Variants in DLGAP1 observed in about 807,000 individuals in gnomAD.
DLGAP1 encodes DLG associated protein 1.
Under a neutral mutation model 90.8 loss-of-function variants are expected in DLGAP1, and 11 were observed. The observed-to-expected ratio is 0.12, with a 90% CI of 0.08 to 0.20. The LOEUF is 0.20. Ranked by LOEUF, DLGAP1 falls within the 10% of genes least tolerant of loss-of-function variation. The pLI, the probability that DLGAP1 is intolerant of heterozygous loss-of-function variation, is 1.00. For missense variants in DLGAP1, 1,050 were observed against 1,333.8 expected (o/e 0.79, Z 3.31); for synonymous variants, 558 against 540.7 (o/e 1.03, Z -0.44).
At chr18:3,657,819 T>C (rs964509271) in intron 7 of DLGAP1, among the ~76,000 whole-genome samples, 1 of 151,876 alleles carries the variant, frequency 6.6e-6, no homozygotes, top group Non-Finnish European at 1.5e-5. Context: ...TTAGCCAGGA[T>C]GGTCTCGATC....
intron 2 of DLGAP1, among the ~76,000 whole-genome samples, chr18:4,029,909 G>A (rs570120036): frequency 1.1e-4 from 16 of 152,156 alleles, no homozygotes; most frequent in Non-Finnish European, 1.3e-4. Context: ...TCTTTGATTT[G>A]TTCTTTTCTC....
At chr18:4,374,766 G>A (rs908622523) in intron 1 of DLGAP1, among the ~76,000 whole-genome samples, 6 of 152,028 alleles carry the variant, frequency 3.9e-5, no homozygotes, top group African/African-American at 1.4e-4. Flanking sequence ...ACAGTCACGT[G>A]GTGTGACAAA....
At chr18:3,719,045 G>C (rs1223662543) in intron 7 of DLGAP1, among the ~76,000 whole-genome samples, 1 of 151,484 alleles carries the variant, frequency 6.6e-6, no homozygotes, top group Non-Finnish European at 1.5e-5. Context: ...AATTATATTT[G>C]ACATTTGAAG....
At chr18:3,990,419 G>A in intron 3 of DLGAP1, among the ~76,000 whole-genome samples, 1 of 148,508 alleles carries the variant, frequency 6.7e-6, no homozygotes, top group African/African-American at 2.5e-5. Flanking sequence ...TCACTCATAG[G>A]TGGGAATCGA....
At position 4,424,158 on chromosome 18, in the gene DLGAP1, A is replaced by T. The variant is rs530007016; in HGVS notation, c.-267+30848T>A. 5.2e-4 allele frequency among the ~76,000 whole-genome samples: 79 copies of T among 152,088 alleles called. 2 individuals are homozygous for T. In the South Asian group the frequency reaches 5.2e-3, roughly 10 times the overall value. On this transcript the variant is annotated intron_variant, in intron 1 of 12. Transcript: ENST00000315677. Reference sequence around the variant, plus strand: ...AGAGCGAGACTCCATCTTAAAAAAAAATTTTTTTAACAATTCCTGGGGAAG... The same window carrying T: ...AGAGCGAGACTCCATCTTAAAAAAATATTTTTTTAACAATTCCTGGGGAAG...
chr18:3,952,922 CT>C (rs2073017647), intron 3 of DLGAP1, among the ~76,000 whole-genome samples: 1 of 152,162 alleles, frequency 6.6e-6, no homozygotes, highest in Non-Finnish European at 1.5e-5. Context: ...CATTTTTCCT[CT>C]TAACTACTGA....
At chr18:4,130,519 AC>A in intron 2 of DLGAP1, among the ~76,000 whole-genome samples, 1 of 152,306 alleles carries the variant, frequency 6.6e-6, no homozygotes, top group African/African-American at 2.4e-5. Flanking sequence ...TTATTGAATC[AC>A]TTGTCATTTA....
intron 1 of DLGAP1, among the ~76,000 whole-genome samples, chr18:4,315,867 CA>C (rs2080512485): frequency 1.3e-5 from 2 of 152,134 alleles, no homozygotes; most frequent in Non-Finnish European, 2.9e-5. Context: ...AGTAAGTGCT[CA>C]AAAAATACTG....
chr18:3,693,126 C>T (rs185010519), intron 7 of DLGAP1, among the ~76,000 whole-genome samples: 1 of 152,324 alleles, frequency 6.6e-6, no homozygotes, highest in Non-Finnish European at 1.5e-5. Context: ...CTATGTCGCT[C>T]AGGCTGGAGT....
chr18:4,441,231 A>G (rs886532836), intron 1 of DLGAP1, among the ~76,000 whole-genome samples: 1 of 152,186 alleles, frequency 6.6e-6, no homozygotes, highest in Non-Finnish European at 1.5e-5. Flanking sequence ...AATGGGCAGC[A>G]GGGAGCTGAG....
intron 1 of DLGAP1, chr18:4,264,506 C>T (rs950728139): frequency 6.6e-6 from 1 of 152,292 alleles, no homozygotes; most frequent in African/African-American, 2.4e-5. Context: ...CCTTCACTGA[C>T]CTTCAACTCT....
chr18:3,772,389 T>TCTCC, intron 5 of DLGAP1, among the ~76,000 whole-genome samples: 1 of 24,312 alleles, frequency 4.1e-5, no homozygotes, highest in African/African-American at 9.9e-5. Context: ...TCTTTCTTTC[T>TCTCC]TTCTTTCTTT....
chr18:3,881,291 ATTT>A (rs1009218209), intron 3 of DLGAP1, among the ~76,000 whole-genome samples: 1 of 151,978 alleles, frequency 6.6e-6, no homozygotes, highest in African/African-American at 2.4e-5. Flanking sequence ...TGGCTGGCTA[ATTT>A]TTGTATTTAT....
chr18:3,747,419 A>G (rs1023307744), intron 5 of DLGAP1, among the ~76,000 whole-genome samples: 1 of 152,210 alleles, frequency 6.6e-6, no homozygotes, highest in Admixed American at 6.5e-5. Context: ...TTAGAAAAAG[A>G]GAATCGTAGC....
intron 1 of DLGAP1, among the ~76,000 whole-genome samples, chr18:4,287,863 T>G (rs184748297): frequency 4.6e-5 from 7 of 151,118 alleles, no homozygotes; most frequent in Admixed American, 4.6e-4. Context: ...TAAGAAAAAT[T>G]TTAAAAAATA....
chr18:4,164,398 G>A (rs2076898225), intron 1 of DLGAP1, among the ~76,000 whole-genome samples: 1 of 152,034 alleles, frequency 6.6e-6, no homozygotes, highest in Non-Finnish European at 1.5e-5. Context: ...GACACTGCCG[G>A]GGCTGGGTGT....
rs558695535 is a variant in DLGAP1, at chr18:3,561,270, A to C, written c.2057+6220T>G. Among the ~76,000 whole-genome samples, 487 of 137,488 alleles carry C rather than the reference A, an allele frequency of 3.5e-3. 16 individuals are homozygous for C. Among genetic ancestry groups the C allele is most frequent in the South Asian group, 0.013 (54 of 4,272 alleles). 90.2% of individuals were successfully genotyped at this position (137,488 alleles called of 152,430 possible). On this transcript the variant is annotated intron_variant, in intron 9 of 12. Coordinates refer to ENST00000315677, the MANE Select transcript of DLGAP1 (RefSeq NM_004746.4). ...GTCTCTACTAAAAAAAAAAAACAAAAAAAAAAAAACAAACAAAAAATAGCC... is the reference window on the plus strand; with the variant it reads ...GTCTCTACTAAAAAAAAAAAACAAACAAAAAAAAACAAACAAAAAATAGCC...
intron 3 of DLGAP1, among the ~76,000 whole-genome samples, chr18:3,956,857 G>T (rs1194183787): frequency 6.6e-6 from 1 of 151,974 alleles, no homozygotes; most frequent in Non-Finnish European, 1.5e-5. Flanking sequence ...TTACTATGTT[G>T]CCCAGGCTTG....
intron 5 of DLGAP1, among the ~76,000 whole-genome samples, chr18:3,799,499 C>CTTTTTTTTTT (rs36090682): frequency 6.9e-6 from 1 of 144,164 alleles, no homozygotes; most frequent in Admixed American, 6.9e-5. Context: ...AACGTAGTGC[C>CTTTTTTTTTT]TTTTTTTTTT....
Sources: allele counts gnomAD v4.1 joint callset (sites outside exome capture counted in the v4.1 genomes callset), GRCh38; gene constraint gnomAD v4.1.1; transcripts MANE v1.5; gene names NCBI Gene and HGNC (gene_info 2026-07-23, HGNC 2026-07-21).